The following EDDM13 variants were observed in gnomAD, a reference collection of about 807,000 sequenced individuals.
EDDM13 encodes the protein epididymal protein 13.
In EDDM13, 24 loss-of-function variants were observed where a neutral mutation model predicts 17.8. That is an observed-to-expected ratio of 1.35 (90% CI 0.98 to 1.90). The LOEUF is 1.90. Among genes scored for constraint, EDDM13 ranks in the 40% most tolerant of loss-of-function variants. The pLI, the probability that EDDM13 is intolerant of heterozygous loss-of-function variation, is 0.00. For synonymous variants in EDDM13, 31 were observed against 37.5 expected (o/e 0.83, Z 0.63); for missense variants, 97 against 100.8 (o/e 0.96, Z 0.16).
chr19:56,302,565 TTCC>T, intron 13 of EDDM13, among the ~76,000 whole-genome samples: 1 of 66,966 alleles, frequency 1.5e-5, no homozygotes, highest in Non-Finnish European at 2.5e-5. Flanking sequence ...CCCTCCCCCC[TTCC>T]TTTTCTTCCT....
At chr19:56,283,794 T>C (rs1302163185) in intron 4 of EDDM13, 1 of 152,190 alleles carries the variant, frequency 6.6e-6, no homozygotes, top group Non-Finnish European at 1.5e-5. Flanking sequence ...ATAGGGACAA[T>C]ATCTGATCTC....
chr19:56,281,410 A>T (rs2038695226), intron 2 of EDDM13, among the ~76,000 whole-genome samples: 1 of 152,170 alleles, frequency 6.6e-6, no homozygotes, highest in South Asian at 2.1e-4. Context: ...CTGTAAGATT[A>T]ATTTCTGAAA....
chr19:56,302,592 CTCTCCCTCT>C, intron 13 of EDDM13, among the ~76,000 whole-genome samples: 1 of 45,546 alleles, frequency 2.2e-5, no homozygotes, highest in Non-Finnish European at 3.8e-5. Context: ...CCTTTTCTTC[CTCTCCCTCT>C]TCTTCCTCTC....
chr19:56,276,819 G>A (rs1942806579), intron 2 of EDDM13, among the ~76,000 whole-genome samples: 1 of 152,030 alleles, frequency 6.6e-6, no homozygotes, highest in Admixed American at 6.5e-5. Context: ...TTACAGGTGT[G>A]AGCCACTGTG....
At chr19:56,302,932 C>T (rs1249708721) in intron 13 of EDDM13, 6 of 398,366 alleles carry the variant, frequency 1.5e-5, no homozygotes, top group Admixed American at 8.8e-5. Context: ...GTAAGGGAGG[C>T]AGACATCCAC....
At chr19:56,303,245 T>C (rs957674681) in intron 13 of EDDM13, among the ~76,000 whole-genome samples, 2 of 152,012 alleles carry the variant, frequency 1.3e-5, no homozygotes, top group East Asian at 1.9e-4. Flanking sequence ...TGTGGGAGGC[T>C]GAGGCGGCTG....
In EDDM13 at chr19:56,275,933, G is replaced by A. The variant is rs759395268; in HGVS notation, c.86-159G>A. Among the ~76,000 whole-genome samples, 4 of 152,202 alleles carry A rather than the reference G, an allele frequency of 2.6e-5. No individual in the cohort carries two copies. In the South Asian group the frequency reaches 6.2e-4, roughly 24 times the overall value. On this transcript the variant is annotated intron_variant, in intron 1 of 14. Transcript: ENST00000649256. ...GATGGATGGGCTGATAGATGGGCCC[G>A]AGTAGCTTTATTGATAGCAGTGAGT...
chr19:56,287,381 A>G (rs933482641), intron 6 of EDDM13, among the ~76,000 whole-genome samples: 1 of 151,904 alleles, frequency 6.6e-6, no homozygotes, highest in Non-Finnish European at 1.5e-5. Flanking sequence ...AACTCTGCTC[A>G]CCTCTCCTTT....
chr19:56,272,982 T>C, intron 1 of EDDM13, 63 bp downstream of exon 1: 1 of 720,596 alleles, frequency 1.4e-6, no homozygotes, highest in South Asian at 6.3e-5. Flanking sequence ...GAGGCTCTTG[T>C]GGGCTGGATT....
chr19:56,284,297 T>G (rs569461650), intron 5 of EDDM13, 91 bp downstream of exon 5: 2 of 380,068 alleles, frequency 5.3e-6, no homozygotes, highest in Non-Finnish European at 7.2e-6. Context: ...CTGGGTTAGA[T>G]TGTGTGTATT....
chr19:56,308,427 G>A (rs1206594109), intron 14 of EDDM13, among the ~76,000 whole-genome samples: 16 of 149,878 alleles, frequency 1.1e-4, no homozygotes, highest in Admixed American at 2.0e-4. Flanking sequence ...AGGTTCAAAC[G>A]ATTCTCCTGC....
Position 56,308,331 on chromosome 19 carries a change from C to CT in EDDM13, c.462-1783dup, listed in dbSNP as rs543582885. 1.3e-3 allele frequency among the ~76,000 whole-genome samples: 195 copies of CT among 144,726 alleles called. 3 individuals carry two copies. The South Asian group carries it at 0.02, about 15-fold the overall frequency. 94.9% of individuals were successfully genotyped at this position (144,726 alleles called of 152,430 possible). A position where few individuals can be genotyped will look rare whatever the true frequency, so the allele number is the denominator to read the frequency against. ...ACAGGCGTGAGCGGTGGCTCCCAGT[C>CT]TTTTTTTTTTGAGATGGAGGCTCAC... On this transcript the variant is annotated intron_variant, in intron 14 of 14. Transcript: ENST00000649256.
In EDDM13 at chr19:56,301,975, C is replaced by T; in HGVS notation, c.303C>T (p.Pro101=). The change falls in exon 13 of 15, where the codon CCC becomes CCT. Residue 101 remains proline, a synonymous_variant. Transcript: ENST00000649256. ...ETSGCKEEVK[P]FSGTTPSRKP... is the part of the protein sequence containing the mutation. Reference sequence around the variant, plus strand: ...CTCCACGGTTCTCTCCAGTTAAACCCTTCTCAGGCACCACCCCATCCAGGA... The same window carrying T: ...CTCCACGGTTCTCTCCAGTTAAACCTTTCTCAGGCACCACCCCATCCAGGA... 4.1e-6 allele frequency: 5 copies of T among 1,232,118 alleles called. No individual in the cohort carries two copies. The highest frequency in any genetic ancestry group is 4.0e-6 in the Non-Finnish European group (4 of 988,266). 76.3% of individuals were successfully genotyped at this position (1,232,118 alleles called of 1,614,324 possible).
At chr19:56,273,767 G>C (rs1377045870) in intron 1 of EDDM13, among the ~76,000 whole-genome samples, 1 of 152,126 alleles carries the variant, frequency 6.6e-6, no homozygotes, top group East Asian at 1.9e-4. Flanking sequence ...AGAACAGACG[G>C]GGGCATGTGA....
intron 12 of EDDM13, 147 bp downstream of exon 12, chr19:56,297,678 C>A: frequency 4.2e-6 from 1 of 235,330 alleles, no homozygotes; most frequent in Non-Finnish European, 6.9e-6. Context: ...TCCTGAAGGG[C>A]ATCCAAAGTC....
intron 2 of EDDM13, among the ~76,000 whole-genome samples, chr19:56,279,389 C>T (rs1340125567): frequency 6.6e-6 from 1 of 152,072 alleles, no homozygotes; most frequent in East Asian, 1.9e-4. Flanking sequence ...TCCTAGCGCT[C>T]AGTAGGACTA....
At chr19:56,282,557 G>A (rs953967784) in intron 4 of EDDM13, 58 bp downstream of exon 4, 1 of 963,876 alleles carries the variant, frequency 1.0e-6, no homozygotes, top group Non-Finnish European at 1.2e-6. Context: ...GTCCAAAAGG[G>A]ATCATTGCTG....
At chr19:56,301,661 G>A (rs1474661735) in intron 12 of EDDM13, among the ~76,000 whole-genome samples, 1 of 152,090 alleles carries the variant, frequency 6.6e-6, no homozygotes, top group African/African-American at 2.4e-5. Flanking sequence ...TATTCAAGAC[G>A]GAGTCACTCT....
intron 1 of EDDM13, among the ~76,000 whole-genome samples, chr19:56,274,206 C>T (rs1026097014): frequency 5.9e-5 from 9 of 152,156 alleles, no homozygotes; most frequent in African/African-American, 2.2e-4. Context: ...GTAATCCCAG[C>T]ACTTTGGGAA....
Sources: allele counts gnomAD v4.1 joint callset (sites outside exome capture counted in the v4.1 genomes callset), GRCh38; gene constraint gnomAD v4.1.1; transcripts MANE v1.5; gene names NCBI Gene and HGNC (gene_info 2026-07-23, HGNC 2026-07-21).